The following ARID4B variants were observed in gnomAD, a reference collection of about 807,000 sequenced individuals.
ARID4B encodes the protein AT-rich interactive domain-containing protein 4B.
Under a neutral mutation model 147.5 loss-of-function variants are expected in ARID4B, and 26 were observed. That is an observed-to-expected ratio of 0.18 (90% CI 0.13 to 0.24). The LOEUF (loss-of-function observed/expected upper bound fraction) is 0.24, where lower values mean the gene tolerates loss of function less well. ARID4B is among the 10% of genes least tolerant of loss of function. ARID4B has a pLI of 1.00. For missense variants in ARID4B, 1,179 were observed against 1,511.5 expected (o/e 0.78, Z 3.65); for synonymous variants, 512 against 507.9 (o/e 1.01, Z -0.11).
At chr1:235,194,748 G>A (rs1217144951) in intron 18 of ARID4B, among the ~76,000 whole-genome samples, 1 of 152,156 alleles carries the variant, frequency 6.6e-6, no homozygotes, top group Non-Finnish European at 1.5e-5. Flanking sequence ...GAACCTGGGA[G>A]ATGGAGGTTG....
At chr1:235,195,066 A>G (rs916778540) in intron 18 of ARID4B, among the ~76,000 whole-genome samples, 1 of 152,190 alleles carries the variant, frequency 6.6e-6, no homozygotes, top group African/African-American at 2.4e-5. Flanking sequence ...GTTGATTTAT[A>G]GGAAAAATAA....
intron 16 of ARID4B, among the ~76,000 whole-genome samples, chr1:235,217,213 A>C (rs1214817291): frequency 6.6e-6 from 1 of 152,194 alleles, no homozygotes; most frequent in Non-Finnish European, 1.5e-5. Context: ...ACTGAAGTAT[A>C]AAGAAAAAAA....
chr1:235,192,908 A>G (rs2102955408), intron 19 of ARID4B, among the ~76,000 whole-genome samples: 1 of 152,212 alleles, frequency 6.6e-6, no homozygotes, highest in East Asian at 1.9e-4. Flanking sequence ...GATCCAGACC[A>G]TGGTGAAACC....
intron 18 of ARID4B, among the ~76,000 whole-genome samples, chr1:235,195,116 T>C (rs1052085117): frequency 4.6e-5 from 7 of 152,120 alleles, no homozygotes; most frequent in African/African-American, 1.4e-4. Context: ...ACTATAAATT[T>C]TGAGTGAGAG....
intron 2 of ARID4B, among the ~76,000 whole-genome samples, chr1:235,317,937 T>C (rs762511515): frequency 1.3e-5 from 2 of 152,160 alleles, no homozygotes; most frequent in Non-Finnish European, 2.9e-5. Context: ...ACAGGTAATA[T>C]TAGTACCCTA....
Position 235,294,426 on chromosome 1 carries a change from C to T in ARID4B, c.6+32488G>A, listed in dbSNP as rs79766535. On this transcript the variant is annotated intron_variant, in intron 2 of 23. Transcript: ENST00000264183. ...CTCCCGGGTTCAAGCAATTCTCCCG[C>T]TTGAACCCAGGGGTTCAAGCAATTC... Among the ~76,000 whole-genome samples the T allele has an allele frequency of 2.7e-3, 335 of 125,916 alleles. 12 individuals carry two copies. In the East Asian group the frequency reaches 0.063, roughly 24 times the overall value. 82.6% of individuals were successfully genotyped at this position (125,916 alleles called of 152,430 possible). A position where few individuals can be genotyped will look rare whatever the true frequency, so the allele number is the denominator to read the frequency against.
intron 2 of ARID4B, among the ~76,000 whole-genome samples, chr1:235,276,810 C>T (rs1671345417): frequency 6.6e-6 from 1 of 151,872 alleles, no homozygotes; most frequent in African/African-American, 2.4e-5. Context: ...ACCAGCCTGG[C>T]CAACATGGTG....
chr1:235,236,836 ATATATATATATAT>A (rs1668610017), intron 8 of ARID4B, among the ~76,000 whole-genome samples: 4 of 24,792 alleles, frequency 1.6e-4, no homozygotes, highest in East Asian at 2.0e-3. Context: ...TATAAAAAAT[ATATATATATATAT>A]ATATATATAT....
intron 7 of ARID4B, among the ~76,000 whole-genome samples, chr1:235,245,779 A>T (rs566200744): frequency 1.5e-4 from 23 of 152,310 alleles, no homozygotes; most frequent in African/African-American, 5.1e-4. Flanking sequence ...AAAGGATATG[A>T]ATTCACTTAA....
At chr1:235,296,997 T>C (rs1672787008) in intron 2 of ARID4B, among the ~76,000 whole-genome samples, 1 of 152,082 alleles carries the variant, frequency 6.6e-6, no homozygotes. Context: ...GGGCTACTTG[T>C]TCTTTTCTTT....
chr1:235,223,295 A>T, intron 12 of ARID4B, 35 bp from the exon 13 acceptor site: 1 of 1,143,596 alleles, frequency 8.7e-7, no homozygotes, highest in Non-Finnish European at 1.2e-6. Flanking sequence ...TTAGATCCAC[A>T]CTACATTTTT....
At chr1:235,274,408 T>C (rs893311922) in intron 2 of ARID4B, among the ~76,000 whole-genome samples, 4 of 152,034 alleles carry the variant, frequency 2.6e-5, no homozygotes, top group Non-Finnish European at 4.4e-5. Flanking sequence ...ATAAAAGTAA[T>C]TGCAAAACCA....
Position 235,298,607 on chromosome 1 carries a change from A to G in ARID4B, c.6+28307T>C, listed in dbSNP as rs189614571. ...ATATAATGTATATTTATATATATCC[A>G]TATATATGAAAATGACTATCTGCAT... On this transcript the variant is annotated intron_variant, in intron 2 of 23. Coordinates refer to ENST00000264183, the MANE Select transcript of ARID4B (RefSeq NM_016374.6). Among the ~76,000 whole-genome samples, 21 of 149,976 alleles carry G rather than the reference A, an allele frequency of 1.4e-4. 1 individual carries two copies. The East Asian group carries it at 4.1e-3, about 29-fold the overall frequency.
intron 2 of ARID4B, among the ~76,000 whole-genome samples, chr1:235,294,341 C>CAGA (rs2103221513): frequency 8.5e-6 from 1 of 116,960 alleles, no homozygotes; most frequent in African/African-American, 3.3e-5. Context: ...GAGACAGAGT[C>CAGA]TTACTCTGTC....
intron 2 of ARID4B, among the ~76,000 whole-genome samples, chr1:235,310,049 A>G (rs3923502): frequency 0.46 from 70,095 of 151,076 alleles, 16,600 homozygotes; most frequent in South Asian, 0.6. Flanking sequence ...GCGGAAGGCC[A>G]CAGGGTCCTC....
intron 2 of ARID4B, among the ~76,000 whole-genome samples, chr1:235,282,449 T>A (rs1380650098): frequency 6.6e-6 from 1 of 152,196 alleles, no homozygotes; most frequent in Admixed American, 6.5e-5. Context: ...AATGCGAAAA[T>A]TAGTTGTATG....
chr1:235,252,123 G>C (rs1669684514), intron 6 of ARID4B, among the ~76,000 whole-genome samples: 1 of 152,168 alleles, frequency 6.6e-6, no homozygotes, highest in Admixed American at 6.5e-5. Context: ...CTCTGCATCA[G>C]GCACTGTTAC....
chr1:235,191,234 G>T (rs1665082157), intron 19 of ARID4B, among the ~76,000 whole-genome samples: 1 of 145,020 alleles, frequency 6.9e-6, no homozygotes, highest in East Asian at 2.0e-4. Context: ...CACTGCGAAT[G>T]TGTCACATAT....
chr1:235,265,660 C>T (rs1670553810), intron 2 of ARID4B, among the ~76,000 whole-genome samples: 2 of 151,586 alleles, frequency 1.3e-5, no homozygotes, highest in South Asian at 4.2e-4. Flanking sequence ...GATCGCGCCA[C>T]CGCACTCTAA....
Sources: gnomAD v4.1 joint callset for allele counts (sites outside exome capture counted in the v4.1 genomes callset) on GRCh38, gnomAD v4.1.1 for gene constraint, MANE v1.5 for transcripts, NCBI Gene and HGNC (gene_info 2026-07-23, HGNC 2026-07-21) for gene names.